The following ATP5PF variants were observed in gnomAD, a reference collection of about 807,000 sequenced individuals.
ATP5PF encodes ATP synthase peripheral stalk subunit F6, mitochondrial.
ATP5PF carries 7 observed loss-of-function variants against 12.0 expected under a neutral mutation model. The ratio of observed to expected loss-of-function variants is 0.58; its 90% CI spans 0.33 to 1.10. The LOEUF (loss-of-function observed/expected upper bound fraction) is 1.10. ATP5PF is among the 50% of genes least tolerant of loss of function. The pLI is 0.03. For synonymous variants in ATP5PF, 41 were observed against 45.4 expected (o/e 0.90, Z 0.39); for missense variants, 120 against 127.7 (o/e 0.94, Z 0.29).
rs745365748 is a variant in ATP5PF, at chr21:25,725,256, T to C, written c.259A>G (p.Met87Val). 6 of 1,613,072 alleles carry C rather than the reference T, an allele frequency of 3.7e-6. No homozygotes were observed. Among genetic ancestry groups the C allele is most frequent in the South Asian group, 3.3e-5 (3 of 90,858 alleles). Residue 87 changes from methionine to valine, a missense_variant, in exon 3 of 4, where the codon ATG (methionine) becomes GTG (valine). Met to Val is a conservative substitution (Grantham distance 21). Transcript: ENST00000284971. ...KLKQMFGNAD[M>V]NTFPTFKFED... ...AATTTGAAGGTGGGAAATGTATTCA[T>C]GTCTGCATTACCAAACATTTGCTTG...
chr21:25,732,627 C>G (rs1282668703), intron 1 of ATP5PF, among the ~76,000 whole-genome samples: 1 of 147,134 alleles, frequency 6.8e-6, no homozygotes, highest in Non-Finnish European at 1.5e-5. Flanking sequence ...GCCTGTGTTA[C>G]AGAGTGAAAC....
intron 1 of ATP5PF, among the ~76,000 whole-genome samples, chr21:25,731,720 C>T (rs919141193): frequency 3.3e-5 from 5 of 152,114 alleles, no homozygotes; most frequent in Non-Finnish European, 5.9e-5. Flanking sequence ...CGGACTTCTA[C>T]TAAGTTATAA....
chr21:25,727,530 C>A (rs2034649088), intron 2 of ATP5PF, among the ~76,000 whole-genome samples: 2 of 152,206 alleles, frequency 1.3e-5, no homozygotes, highest in African/African-American at 4.8e-5. Flanking sequence ...AGAAGTTAAA[C>A]CTGCCCAAGG....
intron 1 of ATP5PF, among the ~76,000 whole-genome samples, chr21:25,730,043 G>C (rs779867316): frequency 3.9e-5 from 6 of 152,186 alleles, no homozygotes; most frequent in Non-Finnish European, 8.8e-5. Context: ...ATCAGGGTTA[G>C]AGCACAAAAT....
At chr21:25,735,119 C>T, upstream of ATP5PF, 1 of 717,080 alleles carries the variant, frequency 1.4e-6, no homozygotes, top group South Asian at 1.6e-5. Flanking sequence ...CTTTTCTTCG[C>T]CTAATTTGAC....
intron 1 of ATP5PF, 63 bp downstream of exon 1, chr21:25,734,790 C>A: frequency 6.8e-7 from 1 of 1,471,484 alleles, no homozygotes; most frequent in East Asian, 2.5e-5. Context: ...GCCCAGGCCT[C>A]GTGAAAAAAC....
At chr21:25,725,030 A>G in intron 3 of ATP5PF, 196 bp downstream of exon 3, 3 of 698,000 alleles carry the variant, frequency 4.3e-6, no homozygotes, top group Non-Finnish European at 4.5e-6. Flanking sequence ...CCACCATTTA[A>G]TCACTATGTT....
rs1309223162 is a variant in ATP5PF, at chr21:25,724,674, G to T, written c.293C>A (p.Pro98His). 6.3e-7 allele frequency: 1 copy of T among 1,593,820 alleles called. No individual in the cohort carries two copies. The highest frequency in any genetic ancestry group is 8.5e-7 in the Non-Finnish European group (1 of 1,174,614). The change falls in exon 4 of 4, where the codon CCC becomes CAC. Residue 98 changes from proline to histidine, a missense_variant. Physicochemically the swap from Pro to His is moderately conservative, Grantham distance 77 (BLOSUM62 -2). Coordinates refer to ENST00000284971, the MANE Select transcript of ATP5PF (RefSeq NM_001003703.2). ...NTFPTFKFED[P>H]KFEVIEKPQA The stretch of plus-strand genomic sequence containing the variant: ...GGGTTTTTCGATGACTTCAAATTTG[G>T]GATCTAAGAAGAGGGGGAAAAAAGG...
chr21:25,734,173 A>G (rs2034910350), intron 1 of ATP5PF, among the ~76,000 whole-genome samples: 1 of 151,806 alleles, frequency 6.6e-6, no homozygotes, highest in African/African-American at 2.4e-5. Flanking sequence ...ATACCACCTG[A>G]CATAAATTCT....
upstream of ATP5PF, chr21:25,735,241 C>G (rs972853524): frequency 1.8e-5 from 10 of 568,592 alleles, no homozygotes; most frequent in Non-Finnish European, 2.9e-5. Context: ...TTAGGGTTAT[C>G]GAAGTGTATA....
intron 1 of ATP5PF, chr21:25,734,296 G>T: frequency 1.0e-6 from 1 of 983,032 alleles, no homozygotes; most frequent in South Asian, 4.7e-5. Context: ...GCCTTGTTCT[G>T]GGTGGGAGCA....
intron 1 of ATP5PF, among the ~76,000 whole-genome samples, chr21:25,733,825 AGTTAAT>A (rs1480138329): frequency 1.3e-5 from 2 of 152,232 alleles, no homozygotes; most frequent in Non-Finnish European, 2.9e-5. Context: ...GTATTCTCAC[AGTTAAT>A]TTGCTCTAAG....
At chr21:25,729,333 C>T (rs1032425453) in intron 2 of ATP5PF, among the ~76,000 whole-genome samples, 3 of 151,952 alleles carry the variant, frequency 2.0e-5, no homozygotes, top group African/African-American at 7.3e-5. Flanking sequence ...TTTCCAAGAC[C>T]CTATGTATTT....
At position 25,729,669 on chromosome 21, in the gene ATP5PF, G is replaced by T. The variant is rs1430363865; in HGVS notation, c.126C>A (p.Leu42=). 3.1e-6 allele frequency: 5 copies of T among 1,611,500 alleles called. No individual in the cohort carries two copies. The highest frequency in any genetic ancestry group is 1.7e-4 in the Middle Eastern group (1 of 6,036). ...FNKELDPIQK[L]FVDKIREYKS... ...TGTATTCTCTAATCTTGTCCACAAA[G>T]AGTTTCTGTATAGGATCAAGTTCCT... Residue 42 remains leucine (L), a synonymous_variant, in exon 2 of 4, where the codon CTC becomes CTA. Coordinates refer to ENST00000284971, the MANE Select transcript of ATP5PF (RefSeq NM_001003703.2).
chr21:25,724,783 A>T, intron 3 of ATP5PF, 106 bp from the exon 4 acceptor site: 1 of 1,143,800 alleles, frequency 8.7e-7, no homozygotes, highest in Non-Finnish European at 1.3e-6. Context: ...TTTTTAGTAA[A>T]CACTGTTTGT....
At chr21:25,729,887 T>C in intron 1 of ATP5PF, 86 bp from the exon 2 acceptor site, 2 of 1,402,540 alleles carry the variant, frequency 1.4e-6, no homozygotes, top group South Asian at 1.4e-5. Context: ...ATTCTACTAA[T>C]TGCTACAGAA....
intron 2 of ATP5PF, 74 bp from the exon 3 acceptor site, chr21:25,725,424 A>C (rs1601082752): frequency 9.0e-5 from 119 of 1,323,174 alleles, no homozygotes; most frequent in Middle Eastern, 2.7e-4. Context: ...TTTCACCACC[A>C]CATTCCAACA....
intron 2 of ATP5PF, among the ~76,000 whole-genome samples, chr21:25,728,730 G>A (rs1052825614): frequency 6.6e-6 from 1 of 152,172 alleles, no homozygotes; most frequent in African/African-American, 2.4e-5. Flanking sequence ...TGCCTTCCAA[G>A]AAGCCTCTAA....
upstream of ATP5PF, chr21:25,735,578 G>A (rs1302912314): frequency 1.3e-5 from 2 of 152,778 alleles, no homozygotes; most frequent in Non-Finnish European, 2.9e-5. Flanking sequence ...TTCCGGAGTG[G>A]GTGAGTGCGG....
Sources: gnomAD v4.1 joint callset for allele counts (sites outside exome capture counted in the v4.1 genomes callset) on GRCh38, gnomAD v4.1.1 for gene constraint, MANE v1.5 for transcripts, NCBI Gene and HGNC (gene_info 2026-07-23, HGNC 2026-07-21) for gene names.